The following GNA14 variants were observed in gnomAD, a reference collection of about 807,000 sequenced individuals.
GNA14 encodes guanine nucleotide-binding protein subunit alpha-14.
A neutral mutation model predicts 42.0 loss-of-function variants in GNA14; 50 were observed. The observed-to-expected ratio is 1.19, with a 90% CI of 0.95 to 1.51. The LOEUF (loss-of-function observed/expected upper bound fraction) is 1.51, where lower values mean the gene tolerates loss of function less well. Ranked by LOEUF, GNA14 falls within the 40% of genes most tolerant of loss-of-function variation. The pLI, the probability that GNA14 is intolerant of heterozygous loss-of-function variation, is 0.00. For missense variants in GNA14, 473 were observed against 446.2 expected, an observed-to-expected ratio of 1.06 and a Z score of -0.54; for synonymous variants, 173 against 163.1, an observed-to-expected ratio of 1.06 and a Z score of -0.46.
chr9:77,578,893 A>G (rs1823171124), intron 1 of GNA14, among the ~76,000 whole-genome samples: 4 of 152,178 alleles, frequency 2.6e-5, no homozygotes, highest in African/African-American at 7.2e-5. Flanking sequence ...TTCATTAATG[A>G]TAAGGCCTTC....
At chr9:77,617,238 T>C (rs2117960751) in intron 1 of GNA14, among the ~76,000 whole-genome samples, 1 of 152,158 alleles carries the variant, frequency 6.6e-6, no homozygotes, top group South Asian at 2.1e-4. Context: ...AACCTGAAAA[T>C]GTCTAAAAAC....
At chr9:77,455,437 C>T (rs1312643356) in intron 2 of GNA14, among the ~76,000 whole-genome samples, 1 of 152,188 alleles carries the variant, frequency 6.6e-6, no homozygotes, top group Admixed American at 6.5e-5. Flanking sequence ...ATAATCTAAT[C>T]GTGGGAGTGA....
intron 2 of GNA14, among the ~76,000 whole-genome samples, chr9:77,464,389 G>A (rs1045549233): frequency 2.6e-4 from 39 of 149,136 alleles, no homozygotes; most frequent in African/African-American, 8.4e-4. Flanking sequence ...GTGTGTGTGT[G>A]TGTTTAAATG....
At chr9:77,640,871 C>CAAAAAAAAAAAA (rs1178043976) in intron 1 of GNA14, among the ~76,000 whole-genome samples, 1 of 27,370 alleles carries the variant, frequency 3.7e-5, no homozygotes, top group Non-Finnish European at 7.6e-5. Flanking sequence ...ATAAAATGCT[C>CAAAAAAAAAAAA]AAAAAAAAAA....
intron 2 of GNA14, among the ~76,000 whole-genome samples, chr9:77,471,031 A>T (rs1345571904): frequency 2.0e-5 from 3 of 152,190 alleles, no homozygotes; most frequent in African/African-American, 7.2e-5. Flanking sequence ...GAGTCAAACC[A>T]TATCAATCAC....
At chr9:77,501,532 C>G (rs964790052) in intron 2 of GNA14, among the ~76,000 whole-genome samples, 1 of 151,908 alleles carries the variant, frequency 6.6e-6, no homozygotes, top group Non-Finnish European at 1.5e-5. Flanking sequence ...TGTCTTTTGG[C>G]CATTTTCTAA....
At chr9:77,433,840 A>T (rs1290188930) in intron 3 of GNA14, among the ~76,000 whole-genome samples, 2 of 152,196 alleles carry the variant, frequency 1.3e-5, no homozygotes, top group African/African-American at 2.4e-5. Context: ...GTGTGCTGCG[A>T]GCGCAGCCTC....
chr9:77,623,797 C>G (rs1391368822), intron 1 of GNA14, among the ~76,000 whole-genome samples: 1 of 152,196 alleles, frequency 6.6e-6, no homozygotes, highest in African/African-American at 2.4e-5. Context: ...CCCTCGGGTG[C>G]CTACACCACC....
intron 1 of GNA14, among the ~76,000 whole-genome samples, chr9:77,551,784 C>T (rs1837789892): frequency 6.6e-6 from 1 of 151,624 alleles, no homozygotes; most frequent in South Asian, 2.1e-4. Flanking sequence ...CTTCATGGCT[C>T]ATTTGGTAGA....
At chr9:77,473,888 G>A (rs747572078) in intron 2 of GNA14, among the ~76,000 whole-genome samples, 4 of 152,092 alleles carry the variant, frequency 2.6e-5, no homozygotes, top group Non-Finnish European at 4.4e-5. Flanking sequence ...TATTACAAAG[G>A]TGCCAAGCTA....
At chr9:77,541,812 A>G (rs1837664628) in intron 1 of GNA14, among the ~76,000 whole-genome samples, 1 of 152,080 alleles carries the variant, frequency 6.6e-6, no homozygotes. Context: ...CTTCTACTTG[A>G]GCAAGTCTAC....
intron 2 of GNA14, among the ~76,000 whole-genome samples, chr9:77,521,810 T>C (rs530651664): frequency 3.7e-4 from 56 of 152,304 alleles, no homozygotes; most frequent in African/African-American, 1.3e-3. Flanking sequence ...ATAATGTCTT[T>C]ATTTACTCAC....
chr9:77,515,000 A>T (rs1837228737), intron 2 of GNA14, among the ~76,000 whole-genome samples: 1 of 152,160 alleles, frequency 6.6e-6, no homozygotes, highest in South Asian at 2.1e-4. Flanking sequence ...CAGATGGAGG[A>T]TGTGAGATGA....
chr9:77,453,133 C>T (rs1835944872), intron 2 of GNA14, among the ~76,000 whole-genome samples: 1 of 152,066 alleles, frequency 6.6e-6, no homozygotes, highest in African/African-American at 2.4e-5. Flanking sequence ...GAGCAAGACC[C>T]TGTTCCTGAA....
chr9:77,631,467 T>TA (rs59294268), intron 1 of GNA14, among the ~76,000 whole-genome samples: 78 of 123,408 alleles, frequency 6.3e-4, no homozygotes, highest in Middle Eastern at 4.4e-3. Flanking sequence ...ACTTTTTATG[T>TA]AAAAAAAAAA....
At chr9:77,492,610 T>C (rs938742033) in intron 2 of GNA14, among the ~76,000 whole-genome samples, 17 of 152,052 alleles carry the variant, frequency 1.1e-4, no homozygotes, top group African/African-American at 4.1e-4. Context: ...AAGAATGAAA[T>C]ACGAAGAAAT....
At chr9:77,644,768 C>A (rs895267054) in intron 1 of GNA14, among the ~76,000 whole-genome samples, 2 of 152,164 alleles carry the variant, frequency 1.3e-5, no homozygotes, top group Non-Finnish European at 2.9e-5. Flanking sequence ...AACACTCAAC[C>A]CAATTAACAA....
intron 1 of GNA14, among the ~76,000 whole-genome samples, chr9:77,639,887 G>T (rs983124013): frequency 1.3e-5 from 2 of 152,198 alleles, no homozygotes; most frequent in African/African-American, 4.8e-5. Flanking sequence ...TGAATGTGAG[G>T]GCTCTTGCAG....
chr9:77,639,234 G>A (rs1413277194), intron 1 of GNA14, among the ~76,000 whole-genome samples: 2 of 152,188 alleles, frequency 1.3e-5, no homozygotes, highest in Non-Finnish European at 2.9e-5. Context: ...CCCTATGGTA[G>A]AAAGCTAAGG....
Sources: gnomAD v4.1 joint callset for allele counts (sites outside exome capture counted in the v4.1 genomes callset) on GRCh38, gnomAD v4.1.1 for gene constraint, MANE v1.5 for transcripts, NCBI Gene and HGNC (gene_info 2026-07-23, HGNC 2026-07-21) for gene names.